The following HMGXB4 variants were observed in gnomAD, a reference collection of about 807,000 sequenced individuals.
HMGXB4 encodes HMG-box containing 4.
In HMGXB4, 27 loss-of-function variants were observed where a neutral mutation model predicts 63.9. The observed-to-expected ratio is 0.42, with a 90% CI of 0.31 to 0.58. HMGXB4 has a LOEUF of 0.58. Among genes scored for constraint, HMGXB4 ranks in the 20% least tolerant of loss-of-function variants. HMGXB4 has a pLI of 0.13. For missense variants in HMGXB4, 624 were observed against 700.7 expected (o/e 0.89, Z 1.24); for synonymous variants, 264 against 265.3 (o/e 0.99, Z 0.05).
chr22:35,281,252 T>C (rs1247036289), intron 5 of HMGXB4, among the ~76,000 whole-genome samples: 3 of 152,206 alleles, frequency 2.0e-5, no homozygotes, highest in Non-Finnish European at 4.4e-5. Context: ...GAGACAAGAT[T>C]GTGGGTCTTT....
upstream of HMGXB4, among the ~76,000 whole-genome samples, chr22:35,256,270 G>C (rs1203676268): frequency 1.3e-5 from 2 of 152,182 alleles, no homozygotes; most frequent in South Asian, 2.1e-4. Context: ...CACTAGGACA[G>C]AGGTTCTTAA....
At chr22:35,248,060 A>G in the HMGXB4 span, among the ~76,000 whole-genome samples, 1 of 152,254 alleles carries the variant, frequency 6.6e-6, no homozygotes, top group East Asian at 1.9e-4. Flanking sequence ...AACTGCTCTG[A>G]ATACTGTAGG....
upstream of HMGXB4, among the ~76,000 whole-genome samples, chr22:35,257,091 G>A (rs1922453408): frequency 6.6e-6 from 1 of 152,220 alleles, no homozygotes; most frequent in Non-Finnish European, 1.5e-5. Flanking sequence ...AGATCTAGGT[G>A]TTGCAAAGAG....
intron 1 of HMGXB4, among the ~76,000 whole-genome samples, chr22:35,260,403 C>G (rs1922773441): frequency 6.6e-6 from 1 of 152,110 alleles, no homozygotes; most frequent in Non-Finnish European, 1.5e-5. Context: ...GATATAATTC[C>G]CTGTATTTCC....
At chr22:35,276,645 C>A (rs1218125065) in intron 5 of HMGXB4, among the ~76,000 whole-genome samples, 1 of 151,960 alleles carries the variant, frequency 6.6e-6, no homozygotes, top group Non-Finnish European at 1.5e-5. Context: ...ATCTTAGGCC[C>A]AATAAAGGAG....
At chr22:35,241,658 C>A in the HMGXB4 span, among the ~76,000 whole-genome samples, 1 of 152,214 alleles carries the variant, frequency 6.6e-6, no homozygotes, top group South Asian at 2.1e-4. Flanking sequence ...GACTCAGCTC[C>A]AGGTAAAGTC....
chr22:35,266,303 G>T (rs1923242716), intron 5 of HMGXB4, among the ~76,000 whole-genome samples: 1 of 152,184 alleles, frequency 6.6e-6, no homozygotes, highest in African/African-American at 2.4e-5. Context: ...AGAACAATGA[G>T]CAGTCAAGTT....
chr22:35,280,436 A>G, intron 5 of HMGXB4, among the ~76,000 whole-genome samples: 1 of 152,148 alleles, frequency 6.6e-6, no homozygotes, highest in East Asian at 1.9e-4. Flanking sequence ...ATTTTGCCAC[A>G]CTATCTCTAA....
upstream of HMGXB4, among the ~76,000 whole-genome samples, chr22:35,256,799 C>A (rs1248868688): frequency 2.0e-5 from 3 of 152,342 alleles, no homozygotes; most frequent in Non-Finnish European, 4.4e-5. Context: ...CCGCCCCTGG[C>A]GTTCTTCTTC....
chr22:35,263,850 T>A lies in HMGXB4; in HGVS notation c.235T>A (p.Ser79Thr). The A allele has an allele frequency of 6.2e-7, 1 of 1,613,652 alleles. No homozygotes were observed. The highest frequency in any genetic ancestry group is 1.3e-5 in the African/African-American group (1 of 75,042). The change falls in exon 4 of 11, where the codon TCC becomes ACC. Residue 79 changes from serine to threonine, a missense_variant. Ser to Thr is a moderately conservative substitution (Grantham distance 58). Coordinates refer to ENST00000216106, the MANE Select transcript of HMGXB4 (RefSeq NM_001003681.3). ...TDTHKKKRKH[S>T]SDDYYYGDIS... ...CACACACAAGAAGAAGAGGAAGCAC[T>A]CCTCTGATGATTACTACTATGGAGG...
In HMGXB4 at chr22:35,274,945, C is replaced by T. The variant is rs144699662; in HGVS notation, c.1216-9017C>T. On this transcript the variant is annotated intron_variant, in intron 5 of 10. Transcript: ENST00000216106. ...AGCCAGGCTGCCTGTGTTTAGTGGC[C>T]CTGCCACTCCGTGGAGCTGTGAGTC... 3.2e-3 allele frequency among the ~76,000 whole-genome samples: 491 copies of T among 152,112 alleles called. 5 individuals carry two copies. The highest frequency in any genetic ancestry group is 0.011 in the African/African-American group (474 of 41,472).
Position 35,293,113 on chromosome 22 carries a change from T to G in HMGXB4, c.1760T>G (p.Leu587Trp). The part of the protein sequence containing the change: ...PELNGCPKQV[L>W]SNTLDNIAYI... ...TTGAATGGCTGTCCCAAACAGGTCT[T>G]GGTGAGTTTTCCCTGGATTTTTAGA... Residue 587 changes from leucine to tryptophan, a missense_variant and splice_region_variant, in exon 10 of 11, where the codon TTG becomes TGG. Coordinates refer to ENST00000216106, the MANE Select transcript of HMGXB4 (RefSeq NM_001003681.3). 6.2e-7 allele frequency: 1 copy of G among 1,614,220 alleles called. No individual in the cohort carries two copies.
chr22:35,257,105 A>T (rs1423750199), upstream of HMGXB4, among the ~76,000 whole-genome samples: 1 of 152,236 alleles, frequency 6.6e-6, no homozygotes, highest in Non-Finnish European at 1.5e-5. Flanking sequence ...CAAAGAGGAG[A>T]ACTGCTGTAT....
intron 5 of HMGXB4, among the ~76,000 whole-genome samples, chr22:35,267,925 C>T (rs1439285236): frequency 1.3e-5 from 2 of 152,136 alleles, no homozygotes; most frequent in Non-Finnish European, 2.9e-5. Context: ...ATATCATTAA[C>T]CTGAGTTCAA....
intron 6 of HMGXB4, among the ~76,000 whole-genome samples, chr22:35,285,127 A>C (rs1924487044): frequency 6.6e-6 from 1 of 152,244 alleles, no homozygotes; most frequent in Admixed American, 6.5e-5. Flanking sequence ...CACCAGAGGC[A>C]GGATGCAGTG....
In HMGXB4 at chr22:35,293,960, G is replaced by A. The variant is rs1601647906; in HGVS notation, c.*309G>A. ...AATCAATGTAACTTGGGGGCTGGGG[G>A]CTTGTTCTGGGTGCCAAGCGCATCT... On this transcript the variant is annotated 3_prime_UTR_variant, in exon 11 of 11. Transcript: ENST00000216106. 8 of 190,566 alleles carry A rather than the reference G, an allele frequency of 4.2e-5. No individual in the cohort carries two copies. In the East Asian group the frequency reaches 9.8e-4, roughly 23 times the overall value. 11.8% of individuals were successfully genotyped at this position (190,566 alleles called of 1,614,324 possible). A position where few individuals can be genotyped will look rare whatever the true frequency, so the allele number is the denominator to read the frequency against.
At chr22:35,248,144 T>C in the HMGXB4 span, among the ~76,000 whole-genome samples, 2 of 152,108 alleles carry the variant, frequency 1.3e-5, no homozygotes, top group East Asian at 1.9e-4. Context: ...AAAGGTACAA[T>C]AAAAATACAG....
chr22:35,293,249 T>C (rs1424387381), intron 10 of HMGXB4, 135 bp downstream of exon 10: 1 of 988,152 alleles, frequency 1.0e-6, no homozygotes, highest in South Asian at 1.5e-5. Flanking sequence ...TGGAACATGA[T>C]GCTATATTAT....
chr22:35,290,524 G>A (rs1433276492), intron 9 of HMGXB4, among the ~76,000 whole-genome samples: 1 of 151,118 alleles, frequency 6.6e-6, no homozygotes, highest in Non-Finnish European at 1.5e-5. Flanking sequence ...GGGCGCCTGT[G>A]AGAGGCTGAG....
Sources: allele counts gnomAD v4.1 joint callset (sites outside exome capture counted in the v4.1 genomes callset), GRCh38; gene constraint gnomAD v4.1.1; transcripts MANE v1.5; gene names NCBI Gene and HGNC (gene_info 2026-07-23, HGNC 2026-07-21).